CEP89: variants seen among roughly 807,000 people sequenced by gnomAD.
The protein encoded by CEP89 is centrosomal protein 89.
A neutral mutation model predicts 97.6 loss-of-function variants in CEP89; 95 were observed. The observed-to-expected ratio is 0.97, with a 90% CI of 0.82 to 1.15. CEP89 has a LOEUF of 1.15. Ranked by LOEUF, CEP89 falls within the 50% of genes most tolerant of loss-of-function variation. The pLI is 0.00. For missense variants in CEP89, 869 were observed against 947.7 expected (o/e 0.92, Z 1.09); for synonymous variants, 354 against 349.1 (o/e 1.01, Z -0.16).
intron 5 of CEP89, 49 bp downstream of exon 5, chr19:32,948,217 T>A (rs1225049567): frequency 9.2e-7 from 1 of 1,085,490 alleles, no homozygotes. Context: ...ATATTCATTA[T>A]GAAAAAATGT....
chr19:32,939,894 GA>G lies in CEP89; in HGVS notation c.596-10del. 3.2e-6 allele frequency: 4 copies of G among 1,252,460 alleles called. No individual in the cohort carries two copies. The highest frequency in any genetic ancestry group is 2.1e-5 in the Admixed American group (1 of 48,520). The allele number at this position is 1,252,460 out of a possible 1,614,324, so 77.6% of individuals were successfully genotyped here. A position where few individuals can be genotyped will look rare whatever the true frequency, so the allele number is the denominator to read the frequency against. ...AACAGGGTGTTTACCATCTGATGAA[GA>G]AAAAGAGAGAGAGATAAACTTTTAA... On this transcript the variant is annotated splice_polypyrimidine_tract_variant and intron_variant, in intron 5 of 18. Transcript: ENST00000305768.
At chr19:32,920,469 G>C (rs1301737673) in intron 12 of CEP89, among the ~76,000 whole-genome samples, 1 of 151,790 alleles carries the variant, frequency 6.6e-6, no homozygotes, top group Non-Finnish European at 1.5e-5. Context: ...CTCTTATTTT[G>C]TTTTATTTAT....
At chr19:32,907,587 G>A (rs909773465) in intron 14 of CEP89, among the ~76,000 whole-genome samples, 2 of 152,082 alleles carry the variant, frequency 1.3e-5, no homozygotes, top group Admixed American at 1.3e-4. Context: ...GAGCAGCTGG[G>A]ACTACAGGCA....
At chr19:32,931,712 G>A (rs1970477932) in intron 8 of CEP89, 141 bp from the exon 9 acceptor site, 1 of 600,414 alleles carries the variant, frequency 1.7e-6, no homozygotes, top group African/African-American at 1.9e-5. Context: ...GTCTGTGTGT[G>A]TATGTGTGTC....
At chr19:32,886,057 T>C (rs4536580) in intron 17 of CEP89, among the ~76,000 whole-genome samples, 14,873 of 152,228 alleles carry the variant, frequency 0.098, 919 homozygotes, top group Middle Eastern at 0.17. Flanking sequence ...TGAGGTCCTG[T>C]GTCTGCTCTG....
At chr19:32,956,349 C>T (rs923817837) in intron 3 of CEP89, among the ~76,000 whole-genome samples, 2 of 151,064 alleles carry the variant, frequency 1.3e-5, no homozygotes, top group African/African-American at 4.9e-5. Flanking sequence ...CCACCGCACC[C>T]GGCCTGTTTT....
chr19:32,912,416 C>T (rs981716869), intron 14 of CEP89, among the ~76,000 whole-genome samples: 16 of 152,132 alleles, frequency 1.1e-4, no homozygotes, highest in Non-Finnish European at 1.9e-4. Context: ...AATCTAAGGC[C>T]TTAAGATCAA....
intron 12 of CEP89, among the ~76,000 whole-genome samples, chr19:32,920,684 A>G (rs1385669290): frequency 6.6e-6 from 1 of 151,394 alleles, no homozygotes; most frequent in Non-Finnish European, 1.5e-5. Context: ...CGGTTTCACC[A>G]TGTTAGCCAC....
At chr19:32,966,777 T>C (rs184543751) in intron 1 of CEP89, among the ~76,000 whole-genome samples, 60 of 152,308 alleles carry the variant, frequency 3.9e-4, no homozygotes, top group African/African-American at 1.3e-3. Context: ...CCCCCAGTGA[T>C]GTCTCATGTG....
At chr19:32,932,074 G>T (rs975539121) in intron 8 of CEP89, among the ~76,000 whole-genome samples, 49 of 152,026 alleles carry the variant, frequency 3.2e-4, no homozygotes, top group Middle Eastern at 3.4e-3. Flanking sequence ...CCAGCTACTT[G>T]GGAGGCTGAG....
intron 4 of CEP89, among the ~76,000 whole-genome samples, chr19:32,949,164 G>A (rs1455696341): frequency 2.0e-5 from 3 of 152,198 alleles, no homozygotes; most frequent in Non-Finnish European, 4.4e-5. Context: ...TACTGACTGA[G>A]AGTAGCTCCT....
At chr19:32,914,770 C>A (rs1022479050) in intron 14 of CEP89, among the ~76,000 whole-genome samples, 1 of 152,036 alleles carries the variant, frequency 6.6e-6, no homozygotes, top group African/African-American at 2.4e-5. Flanking sequence ...ACCTGTAATT[C>A]CAGCACTTTG....
At chr19:32,930,021 C>CTT (rs777333613) in intron 9 of CEP89, among the ~76,000 whole-genome samples, 44 of 133,380 alleles carry the variant, frequency 3.3e-4, no homozygotes, top group African/African-American at 5.6e-4. Flanking sequence ...CTTTTTTTTC[C>CTT]TTTTTTTTTT....
At chr19:32,939,804 T>C in intron 6 of CEP89, 53 bp downstream of exon 6, 6 of 835,782 alleles carry the variant, frequency 7.2e-6, no homozygotes, top group Non-Finnish European at 1.1e-5. Context: ...TGAAAAATTA[T>C]GATAAAAACT....
chr19:32,956,788 TA>T (rs1971058398), intron 3 of CEP89, among the ~76,000 whole-genome samples: 1 of 152,232 alleles, frequency 6.6e-6, no homozygotes. Flanking sequence ...TTCTTAAACA[TA>T]AAAGCGATTA....
intron 9 of CEP89, among the ~76,000 whole-genome samples, chr19:32,927,919 CTTTT>C (rs1353769739): frequency 4.6e-5 from 3 of 65,624 alleles, no homozygotes; most frequent in Non-Finnish European, 3.0e-5. Flanking sequence ...TTTTTTTTTT[CTTTT>C]TTTTTTTTTT....
At chr19:32,913,301 ATATAT>A (rs1246830657) in intron 14 of CEP89, among the ~76,000 whole-genome samples, 4 of 16,448 alleles carry the variant, frequency 2.4e-4, no homozygotes, top group African/African-American at 1.2e-3. Flanking sequence ...ATATATATAT[ATATAT>A]TTTTTTGTTG....
chr19:32,954,975 A>G (rs1971016857), intron 3 of CEP89, among the ~76,000 whole-genome samples: 2 of 150,606 alleles, frequency 1.3e-5, no homozygotes, highest in African/African-American at 4.9e-5. Flanking sequence ...CCAGCCTGCT[A>G]TTAATAAGTA....
chr19:32,894,132 GC>G (rs1187833309), intron 16 of CEP89, among the ~76,000 whole-genome samples: 1 of 152,164 alleles, frequency 6.6e-6, no homozygotes, highest in Non-Finnish European at 1.5e-5. Flanking sequence ...TTCAAGGTTA[GC>G]CTGGGCAACA....
Sources: allele counts gnomAD v4.1 joint callset (sites outside exome capture counted in the v4.1 genomes callset), GRCh38; gene constraint gnomAD v4.1.1; transcripts MANE v1.5; gene names NCBI Gene and HGNC (gene_info 2026-07-23, HGNC 2026-07-21).